Variants in IL1RAPL2 observed in about 807,000 individuals in gnomAD.
The protein encoded by IL1RAPL2 is X-linked interleukin-1 receptor accessory protein-like 2.
Under a neutral mutation model 44.1 loss-of-function variants are expected in IL1RAPL2, and 3 were observed. That is an observed-to-expected ratio of 0.07 (90% CI 0.03 to 0.18). The LOEUF (loss-of-function observed/expected upper bound fraction) is 0.18, where lower values mean the gene tolerates loss of function less well. Among genes scored for constraint, IL1RAPL2 ranks in the 10% least tolerant of loss-of-function variants. IL1RAPL2 has a pLI of 1.00. For synonymous variants in IL1RAPL2, 181 were observed against 178.8 expected, an observed-to-expected ratio of 1.01 and a Z score of -0.10; for missense variants, 391 against 496.4, an observed-to-expected ratio of 0.79 and a Z score of 2.02.
chrX:104,699,113 G>A (rs939617605), intron 2 of IL1RAPL2, among the ~76,000 whole-genome samples: 4 of 111,247 alleles, frequency 3.6e-5, no homozygotes, highest in African/African-American at 1.3e-4. Context: ...CTAGACCAGC[G>A]GTCCCCAACC....
At chrX:105,314,632 A>G (rs1186684901) in intron 5 of IL1RAPL2, among the ~76,000 whole-genome samples, 1 of 111,955 alleles carries the variant, frequency 8.9e-6, no homozygotes, top group Non-Finnish European at 1.9e-5. Context: ...TACATAAAAT[A>G]TGTGGAAATG....
chrX:105,329,153 G>A (rs1363366559), intron 5 of IL1RAPL2, among the ~76,000 whole-genome samples: 2 of 112,287 alleles, frequency 1.8e-5, no homozygotes, highest in Non-Finnish European at 3.8e-5. Context: ...CAACAGAACT[G>A]ATACATTGTT....
intron 2 of IL1RAPL2, among the ~76,000 whole-genome samples, chrX:104,751,069 G>A (rs758740724): frequency 4.5e-5 from 5 of 111,141 alleles, no homozygotes; most frequent in Admixed American, 9.6e-5. Flanking sequence ...TTATGAGCCC[G>A]TAAAACCAAT....
intron 2 of IL1RAPL2, among the ~76,000 whole-genome samples, chrX:104,746,498 ATAATAT>A (rs1440978752): frequency 3.6e-5 from 4 of 111,701 alleles, no homozygotes; most frequent in Non-Finnish European, 7.5e-5. Flanking sequence ...GATTTTTAAA[ATAATAT>A]TAATTTTTTC....
intron 1 of IL1RAPL2, among the ~76,000 whole-genome samples, chrX:104,651,100 T>G (rs1027197531): frequency 8.9e-6 from 1 of 112,227 alleles, no homozygotes; most frequent in Non-Finnish European, 1.9e-5. Flanking sequence ...CAGCAAAATT[T>G]GTTGAATTAA....
intron 1 of IL1RAPL2, among the ~76,000 whole-genome samples, chrX:104,584,500 G>T (rs1415292493): frequency 1.8e-5 from 2 of 109,664 alleles, no homozygotes; most frequent in Non-Finnish European, 3.8e-5. Flanking sequence ...ATGACTAAAG[G>T]ATCTCCTTTT....
intron 2 of IL1RAPL2, among the ~76,000 whole-genome samples, chrX:105,103,259 A>C (rs1438080532): frequency 8.9e-6 from 1 of 111,785 alleles, no homozygotes; most frequent in East Asian, 2.8e-4. Context: ...TAAAAACACA[A>C]CTGATGATTT....
intron 2 of IL1RAPL2, among the ~76,000 whole-genome samples, chrX:104,915,623 T>C (rs1386299095): frequency 1.8e-5 from 2 of 111,035 alleles, no homozygotes; most frequent in African/African-American, 6.5e-5. Context: ...TTTTGGTGTT[T>C]TAGACATGAA....
intron 5 of IL1RAPL2, among the ~76,000 whole-genome samples, chrX:105,322,459 G>A (rs182214661): frequency 7.2e-5 from 8 of 111,693 alleles, no homozygotes; most frequent in African/African-American, 2.3e-4. Context: ...CTGGAGCTTG[G>A]GATCCTTTTC....
At chrX:105,374,959 A>G (rs1166095529) in intron 5 of IL1RAPL2, among the ~76,000 whole-genome samples, 2 of 107,517 alleles carry the variant, frequency 1.9e-5, no homozygotes, top group African/African-American at 3.4e-5. Context: ...AAAAAAAAAA[A>G]AAAAAAAGAA....
In IL1RAPL2 at chrX:105,704,781, C is replaced by G. The variant is rs1337717441; in HGVS notation, c.773-12586C>G. 2.7e-5 allele frequency among the ~76,000 whole-genome samples: 3 copies of G among 110,638 alleles called. No homozygotes were observed. The Admixed American group carries it at 2.9e-4, about 11-fold the overall frequency. ...TTTTTCCTAATGTTCTCCCTCCCAC[C>G]ACCCCACCCACCAACAGGAGAGGCA... On this transcript the variant is annotated intron_variant, in intron 6 of 10. Transcript: ENST00000372582.
chrX:105,297,929 G>C (rs1401746565), intron 5 of IL1RAPL2, among the ~76,000 whole-genome samples: 1 of 110,874 alleles, frequency 9.0e-6, no homozygotes, highest in Non-Finnish European at 1.9e-5. Context: ...TTCTCTATGT[G>C]TGTGTGTTTC....
intron 2 of IL1RAPL2, among the ~76,000 whole-genome samples, chrX:105,019,124 C>A (rs1215762853): frequency 9.0e-6 from 1 of 111,618 alleles, no homozygotes; most frequent in African/African-American, 3.2e-5. Context: ...AATTATAAAC[C>A]AAGGTTGGTT....
At chrX:105,498,081 AG>A (rs1388394668) in intron 6 of IL1RAPL2, among the ~76,000 whole-genome samples, 1 of 112,151 alleles carries the variant, frequency 8.9e-6, no homozygotes, top group Non-Finnish European at 1.9e-5. Context: ...AAAGAAAAAA[AG>A]GCATTCAAAT....
At chrX:105,035,812 C>A (rs7058755) in intron 2 of IL1RAPL2, among the ~76,000 whole-genome samples, 1 of 112,189 alleles carries the variant, frequency 8.9e-6, no homozygotes, top group Non-Finnish European at 1.9e-5. Flanking sequence ...CAATGTGTAC[C>A]TTTTATTCCA....
chrX:104,957,811 A>G (rs1277170218), intron 2 of IL1RAPL2, among the ~76,000 whole-genome samples: 1 of 111,952 alleles, frequency 8.9e-6, no homozygotes, highest in Non-Finnish European at 1.9e-5. Context: ...GGCTGGGCAC[A>G]GTGGCTCATG....
At chrX:105,237,668 T>C (rs1477593526) in intron 4 of IL1RAPL2, among the ~76,000 whole-genome samples, 1 of 111,967 alleles carries the variant, frequency 8.9e-6, no homozygotes, top group Non-Finnish European at 1.9e-5. Flanking sequence ...TTCATATCCT[T>C]CGCCCACTTG....
Position 105,767,692 on chromosome X carries a change from A to G in IL1RAPL2, c.*31A>G, listed in dbSNP as rs1039984197. 33 of 1,010,388 alleles carry G rather than the reference A, an allele frequency of 3.3e-5. No individual in the cohort carries two copies. Among genetic ancestry groups the G allele is most frequent in the Non-Finnish European group, 4.2e-5 (30 of 722,474 alleles). The allele number at this position is 1,010,388 out of a possible 1,213,427, so 83.3% of individuals were successfully genotyped here. A position where few individuals can be genotyped will look rare whatever the true frequency, so the allele number is the denominator to read the frequency against. On this transcript the variant is annotated 3_prime_UTR_variant, in exon 11 of 11. Transcript: ENST00000372582. ...AATCTGAATTCCTCTGAACAGCTAG[A>G]TAAGCATAGAGAATTTCTGTTATAC... is the stretch of plus-strand genomic sequence containing the variant.
chrX:105,032,382 C>G (rs2031521295), intron 2 of IL1RAPL2, among the ~76,000 whole-genome samples: 1 of 108,409 alleles, frequency 9.2e-6, no homozygotes, highest in Non-Finnish European at 1.9e-5. Context: ...AAATTTCCCT[C>G]TACACACTGC....
Sources: allele counts gnomAD v4.1 joint callset (sites outside exome capture counted in the v4.1 genomes callset), GRCh38; gene constraint gnomAD v4.1.1; transcripts MANE v1.5; gene names NCBI Gene and HGNC (gene_info 2026-07-23, HGNC 2026-07-21).